MAGT1: variants seen among roughly 807,000 people sequenced by gnomAD.
MAGT1 encodes dolichyl-diphosphooligosaccharide--protein glycosyltransferase subunit MAGT1.
Under a neutral mutation model 28.4 loss-of-function variants are expected in MAGT1, and 4 were observed. The ratio of observed to expected loss-of-function variants is 0.14; its 90% CI spans 0.07 to 0.32. The LOEUF (loss-of-function observed/expected upper bound fraction) is 0.32, where lower values mean the gene tolerates loss of function less well. Ranked by LOEUF, MAGT1 falls within the 10% of genes least tolerant of loss-of-function variation. The pLI, the probability that MAGT1 is intolerant of heterozygous loss-of-function variation, is 1.00. For synonymous variants in MAGT1, 89 were observed against 89.7 expected (o/e 0.99, Z 0.04); for missense variants, 193 against 264.5 (o/e 0.73, Z 1.88).
intron 1 of MAGT1, among the ~76,000 whole-genome samples, chrX:77,878,309 A>G (rs1253833915): frequency 2.0e-5 from 2 of 100,255 alleles, no homozygotes; most frequent in East Asian, 3.0e-4. Flanking sequence ...AAAAAAAAAA[A>G]AAAGAAAAAA....
intron 7 of MAGT1, among the ~76,000 whole-genome samples, chrX:77,841,721 G>A (rs1184749837): frequency 9.4e-6 from 1 of 106,687 alleles, no homozygotes; most frequent in African/African-American, 3.4e-5. Flanking sequence ...TGTCACCCAG[G>A]CTGGAGTGCA....
At chrX:77,891,083 T>C (rs1170605412) in intron 1 of MAGT1, among the ~76,000 whole-genome samples, 1 of 111,359 alleles carries the variant, frequency 9.0e-6, no homozygotes, top group Non-Finnish European at 1.9e-5. Context: ...TTTATCATGC[T>C]GCCTCTCTAA....
chrX:77,883,558 T>C (rs1351493109), intron 1 of MAGT1, among the ~76,000 whole-genome samples: 17 of 97,410 alleles, frequency 1.7e-4, no homozygotes, highest in East Asian at 1.6e-3. Flanking sequence ...ATTTTCTTTT[T>C]TTTTTTTTTT....
chrX:77,881,585 G>A (rs1374748159), intron 1 of MAGT1, among the ~76,000 whole-genome samples: 15 of 110,231 alleles, frequency 1.4e-4, no homozygotes, highest in Admixed American at 3.9e-4. Context: ...CCCTACAAAG[G>A]ACATGAACTC....
chrX:77,885,973 C>A (rs1825382106), intron 1 of MAGT1, among the ~76,000 whole-genome samples: 1 of 110,896 alleles, frequency 9.0e-6, no homozygotes, highest in African/African-American at 3.3e-5. Flanking sequence ...GAGCGAGACT[C>A]CGTCTCTAAA....
At chrX:77,881,080 T>A (rs2077050959) in intron 1 of MAGT1, among the ~76,000 whole-genome samples, 1 of 108,808 alleles carries the variant, frequency 9.2e-6, no homozygotes, top group African/African-American at 3.3e-5. Flanking sequence ...AGGAGGAAGA[T>A]AGAGAATATT....
chrX:77,850,083 A>G (rs1557215381), intron 7 of MAGT1, among the ~76,000 whole-genome samples: 1 of 111,325 alleles, frequency 9.0e-6, no homozygotes, highest in South Asian at 3.7e-4. Flanking sequence ...ATTTTCCAAA[A>G]TCATAACTAC....
chrX:77,853,556 C>T (rs1480714859), intron 7 of MAGT1, among the ~76,000 whole-genome samples: 2 of 112,049 alleles, frequency 1.8e-5, no homozygotes, highest in East Asian at 5.5e-4. Flanking sequence ...CCTTACACTG[C>T]TTTTAGCCTA....
At chrX:77,850,221 A>G (rs1051398792) in intron 7 of MAGT1, among the ~76,000 whole-genome samples, 1 of 110,715 alleles carries the variant, frequency 9.0e-6, no homozygotes, top group Non-Finnish European at 1.9e-5. Flanking sequence ...CACGCCTGAA[A>G]TCCTAGCACT....
chrX:77,888,177 A>AT (rs782605995), intron 1 of MAGT1, among the ~76,000 whole-genome samples: 1 of 112,102 alleles, frequency 8.9e-6, no homozygotes, highest in East Asian at 2.8e-4. Flanking sequence ...TATTGGATAT[A>AT]TTTTTTATAA....
At position 77,889,046 on chromosome X, in the gene MAGT1, C is replaced by T. The variant is rs185635835; in HGVS notation, c.102+6263G>A. Reference sequence around the variant, plus strand: ...GCTGGAGTGCAATGGTACATCTTGGCTCACTGCAGCCTGTACCTCCCAGGC... The same window carrying T: ...GCTGGAGTGCAATGGTACATCTTGGTTCACTGCAGCCTGTACCTCCCAGGC... On this transcript the variant is annotated intron_variant, in intron 1 of 9. Coordinates refer to ENST00000618282, the MANE Select transcript of MAGT1 (RefSeq NM_001367916.1). 4.8e-3 allele frequency among the ~76,000 whole-genome samples: 515 copies of T among 108,332 alleles called. 5 individuals are homozygous for T. Among genetic ancestry groups the T allele is most frequent in the African/African-American group, 0.016 (486 of 29,809 alleles). 94.1% of individuals were successfully genotyped at this position (108,332 alleles called of 115,157 possible).
intron 1 of MAGT1, among the ~76,000 whole-genome samples, chrX:77,880,268 G>T (rs782379948): frequency 8.3e-4 from 90 of 108,964 alleles, no homozygotes; most frequent in Non-Finnish European, 1.4e-3. Flanking sequence ...GGTGGCTCAC[G>T]CCTGTAATCT....
intron 8 of MAGT1, among the ~76,000 whole-genome samples, chrX:77,837,694 A>C (rs528970100): frequency 1.8e-5 from 2 of 112,286 alleles, no homozygotes; most frequent in South Asian, 3.6e-4. Context: ...GTTAAAGTAA[A>C]TATTAGACTT....
intron 8 of MAGT1, among the ~76,000 whole-genome samples, chrX:77,832,067 A>G (rs2076900174): frequency 8.9e-6 from 1 of 111,799 alleles, no homozygotes; most frequent in African/African-American, 3.3e-5. Flanking sequence ...TCTTATTTGA[A>G]TGAGAAAAAA....
intron 7 of MAGT1, among the ~76,000 whole-genome samples, chrX:77,852,078 T>C (rs1209469261): frequency 9.1e-6 from 1 of 109,628 alleles, no homozygotes; most frequent in African/African-American, 3.3e-5. Flanking sequence ...TTTTTTTGTA[T>C]TTTTAGTAGA....
rs781887548 is a variant in MAGT1, at chrX:77,829,165, G to A, written c.*55C>T. 3.8e-6 allele frequency: 4 copies of A among 1,047,190 alleles called. No homozygotes were observed. The highest frequency in any genetic ancestry group is 5.3e-6 in the Non-Finnish European group (4 of 749,757). 86.3% of individuals were successfully genotyped at this position (1,047,190 alleles called of 1,213,427 possible). ...TGCATTCTTCTTTTCAAACACACACGATTTTCGTTTTTCAATTTCCAGTAC... is the reference window on the plus strand; with the variant it reads ...TGCATTCTTCTTTTCAAACACACACAATTTTCGTTTTTCAATTTCCAGTAC... On this transcript the variant is annotated 3_prime_UTR_variant, in exon 10 of 10. Coordinates refer to ENST00000618282, the MANE Select transcript of MAGT1 (RefSeq NM_001367916.1).
At chrX:77,853,772 A>G (rs1486353709) in intron 7 of MAGT1, 129 bp downstream of exon 7, 3 of 572,532 alleles carry the variant, frequency 5.2e-6, no homozygotes, top group South Asian at 4.9e-5. Context: ...AGGATGATAC[A>G]GTAATGATTT....
In MAGT1 at chrX:77,870,937, G is replaced by A. The variant is rs1174169488; in HGVS notation, c.273-12C>T. 8.9e-7 allele frequency: 1 copy of A among 1,128,260 alleles called. No individual in the cohort carries two copies. The highest frequency in any genetic ancestry group is 1.2e-6 in the Non-Finnish European group (1 of 819,505). The allele number at this position is 1,128,260 out of a possible 1,213,427, so 93.0% of individuals were successfully genotyped here. A position where few individuals can be genotyped will look rare whatever the true frequency, so the allele number is the denominator to read the frequency against. On this transcript the variant is annotated splice_polypyrimidine_tract_variant and intron_variant, in intron 2 of 9. Transcript: ENST00000618282. ...CTTCATCAGCTTGCCTGGATGCAAT[G>A]AGATTCGTAAAGATAACATATAAAA... is the stretch of plus-strand genomic sequence containing the variant.
At chrX:77,829,503 G>T (rs1464921404) in intron 9 of MAGT1, among the ~76,000 whole-genome samples, 4 of 111,190 alleles carry the variant, frequency 3.6e-5, no homozygotes, top group African/African-American at 1.3e-4. Context: ...TAGAGATGGG[G>T]TCTCACTGTG....
Sources: gnomAD v4.1 joint callset for allele counts (sites outside exome capture counted in the v4.1 genomes callset) on GRCh38, gnomAD v4.1.1 for gene constraint, MANE v1.5 for transcripts, NCBI Gene and HGNC (gene_info 2026-07-23, HGNC 2026-07-21) for gene names.